Variants in ACVR1 observed in about 807,000 individuals in gnomAD.
ACVR1 encodes activin A receptor type 1.
ACVR1 carries 38 observed loss-of-function variants against 57.1 expected under a neutral mutation model. The observed-to-expected ratio is 0.67, with a 90% CI of 0.51 to 0.87. ACVR1 has a LOEUF of 0.87. ACVR1 is among the 40% of genes least tolerant of loss of function. The pLI is 0.00. For synonymous variants in ACVR1, 212 were observed against 228.1 expected (o/e 0.93, Z 0.63); for missense variants, 463 against 638.2 (o/e 0.73, Z 2.96).
chr2:157,817,092 T>A (rs1056368987), intron 2 of ACVR1, among the ~76,000 whole-genome samples: 2 of 152,106 alleles, frequency 1.3e-5, no homozygotes, highest in Non-Finnish European at 2.9e-5. Context: ...CTCAAGTAGC[T>A]GGGAATACAC....
intron 3 of ACVR1, among the ~76,000 whole-genome samples, chr2:157,783,729 C>T (rs966725671): frequency 6.6e-6 from 1 of 152,218 alleles, no homozygotes; most frequent in African/African-American, 2.4e-5. Flanking sequence ...TAACAGCTAA[C>T]AGGGAAGTAC....
At chr2:157,751,810 G>A (rs1685202530) in intron 9 of ACVR1, among the ~76,000 whole-genome samples, 1 of 152,118 alleles carries the variant, frequency 6.6e-6, no homozygotes, top group Admixed American at 6.5e-5. Context: ...CCCACCCAAG[G>A]AGAGTCTGAG....
intron 1 of ACVR1, among the ~76,000 whole-genome samples, chr2:157,834,506 C>A (rs564734219): frequency 2.6e-4 from 39 of 152,114 alleles, no homozygotes; most frequent in Admixed American, 4.6e-4. Flanking sequence ...GAGGTAGATG[C>A]GTAGGTCCCA....
At chr2:157,750,504 A>T (rs1685141508) in intron 9 of ACVR1, among the ~76,000 whole-genome samples, 1 of 152,214 alleles carries the variant, frequency 6.6e-6, no homozygotes, top group Admixed American at 6.5e-5. Flanking sequence ...CACTGATGCC[A>T]ATTACAGCTG....
At chr2:157,862,518 G>C (rs998019282) in intron 1 of ACVR1, among the ~76,000 whole-genome samples, 1 of 151,190 alleles carries the variant, frequency 6.6e-6, no homozygotes, top group Non-Finnish European at 1.5e-5. Flanking sequence ...GTATCTGTAA[G>C]ATACGGAAAA....
chr2:157,835,993 T>G (rs1483514949), intron 1 of ACVR1, among the ~76,000 whole-genome samples: 4 of 152,212 alleles, frequency 2.6e-5, no homozygotes, highest in Non-Finnish European at 4.4e-5. Flanking sequence ...CTATGAAATG[T>G]AAAAATGAAA....
At position 157,846,547 on chromosome 2, in the gene ACVR1, G is replaced by A. The variant is rs147050290; in HGVS notation, c.-182-27988C>T. Among the ~76,000 whole-genome samples the A allele has an allele frequency of 7.2e-5, 11 of 152,126 alleles. No homozygotes were observed. In the East Asian group the frequency reaches 9.7e-4, roughly 13 times the overall value. On this transcript the variant is annotated intron_variant, in intron 1 of 10. Transcript: ENST00000434821. ...TAACTCAGATGCTTCAGACCTTTGC[G>A]ACCTTCAGAACTAAACATTATAACC...
At chr2:157,801,243 G>A (rs1687315757) in intron 2 of ACVR1, among the ~76,000 whole-genome samples, 2 of 152,160 alleles carry the variant, frequency 1.3e-5, no homozygotes, top group Admixed American at 6.5e-5. Context: ...GAAAGACTAG[G>A]AGTTACATAA....
chr2:157,861,272 G>A (rs1282807475), intron 1 of ACVR1, among the ~76,000 whole-genome samples: 3 of 152,150 alleles, frequency 2.0e-5, no homozygotes, highest in Non-Finnish European at 1.5e-5. Flanking sequence ...CTCAGTGCCT[G>A]GCACACAGTA....
intron 1 of ACVR1, among the ~76,000 whole-genome samples, chr2:157,836,582 A>G (rs1284865875): frequency 6.6e-6 from 1 of 152,150 alleles, no homozygotes; most frequent in Admixed American, 6.5e-5. Flanking sequence ...CTCAAGATTC[A>G]TCTCCTCCAG....
At chr2:157,762,873 A>G (rs947093873) in intron 8 of ACVR1, among the ~76,000 whole-genome samples, 2 of 152,312 alleles carry the variant, frequency 1.3e-5, no homozygotes, top group African/African-American at 2.4e-5. Flanking sequence ...GTGTGTCCTC[A>G]CAGAGTTGGA....
chr2:157,737,568 A>G lies in ACVR1; in HGVS notation c.1493T>C (p.Ile498Thr), dbSNP rs1026520055. The change falls in exon 11 of 11, where the codon ATT (isoleucine) becomes ACT (threonine). Residue 498 changes from isoleucine to threonine, a missense_variant. Coordinates refer to ENST00000434821, the MANE Select transcript of ACVR1 (RefSeq NM_001111067.4). ...TTTCAATTTGTCGAGGGAATTATCA[A>G]TTTTGGTCAAAGTCTTTTTGATACG... ...ALRIKKTLTK[I>T]DNSLDKLKTD... The G allele has an allele frequency of 6.8e-6, 11 of 1,614,130 alleles. No individual in the cohort carries two copies. Among genetic ancestry groups the G allele is most frequent in the Non-Finnish European group, 9.3e-6 (11 of 1,179,994 alleles).
chr2:157,794,982 GT>G (rs75562281), intron 3 of ACVR1, among the ~76,000 whole-genome samples: 250 of 144,516 alleles, frequency 1.7e-3, no homozygotes, highest in South Asian at 2.9e-3. Context: ...AGGGGTAAAA[GT>G]TTTTTTTTTT....
At chr2:157,846,254 A>AG (rs1255506109) in intron 1 of ACVR1, among the ~76,000 whole-genome samples, 1 of 152,218 alleles carries the variant, frequency 6.6e-6, no homozygotes, top group African/African-American at 2.4e-5. Context: ...CACAAGCCAA[A>AG]GGAAGTGGAT....
intron 6 of ACVR1, among the ~76,000 whole-genome samples, chr2:157,773,060 G>C (rs1434247859): frequency 1.3e-5 from 2 of 152,160 alleles, no homozygotes; most frequent in African/African-American, 4.8e-5. Context: ...AAAAGCAAAA[G>C]ATGCAACGGC....
intron 3 of ACVR1, among the ~76,000 whole-genome samples, chr2:157,792,224 T>C (rs1328681904): frequency 6.6e-6 from 1 of 151,642 alleles, no homozygotes; most frequent in Non-Finnish European, 1.5e-5. Context: ...CCCACAACTC[T>C]CCTCCCCACA....
chr2:157,823,584 C>T (rs1688229043), intron 1 of ACVR1, among the ~76,000 whole-genome samples: 1 of 152,152 alleles, frequency 6.6e-6, no homozygotes, highest in South Asian at 2.1e-4. Flanking sequence ...TGAAGATGGG[C>T]TTTCCTAATG....
chr2:157,840,585 G>T (rs1157865962), intron 1 of ACVR1, among the ~76,000 whole-genome samples: 1 of 152,222 alleles, frequency 6.6e-6, no homozygotes, highest in Non-Finnish European at 1.5e-5. Flanking sequence ...TGAACTCAGA[G>T]AGATGAGGAA....
intron 2 of ACVR1, among the ~76,000 whole-genome samples, chr2:157,813,564 T>C (rs1687828864): frequency 2.6e-5 from 4 of 152,222 alleles, no homozygotes; most frequent in Non-Finnish European, 5.9e-5. Context: ...CTGGACTTTC[T>C]TCTTTGCCCT....
Sources: gnomAD v4.1 joint callset for allele counts (sites outside exome capture counted in the v4.1 genomes callset) on GRCh38, gnomAD v4.1.1 for gene constraint, MANE v1.5 for transcripts, NCBI Gene and HGNC (gene_info 2026-07-23, HGNC 2026-07-21) for gene names.